The following ADTRP variants were observed in gnomAD, a reference collection of about 807,000 sequenced individuals.
The protein encoded by ADTRP is androgen dependent TFPI regulating protein.
A neutral mutation model predicts 27.0 loss-of-function variants in ADTRP; 20 were observed. The ratio of observed to expected loss-of-function variants is 0.74; its 90% CI spans 0.52 to 1.08. ADTRP has a LOEUF of 1.08. Ranked by LOEUF, ADTRP falls within the 50% of genes least tolerant of loss-of-function variation. ADTRP has a pLI of 0.00. For missense variants in ADTRP, 251 were observed against 275.0 expected, an observed-to-expected ratio of 0.91 and a Z score of 0.62; for synonymous variants, 101 against 105.2, an observed-to-expected ratio of 0.96 and a Z score of 0.25.
At position 11,773,210 on chromosome 6, in the gene ADTRP, A is replaced by G. The variant is rs531835997; in HGVS notation, c.154-4827T>C. 3.3e-5 allele frequency among the ~76,000 whole-genome samples: 5 copies of G among 152,290 alleles called. No individual in the cohort carries two copies. The South Asian group carries it at 8.3e-4, about 25-fold the overall frequency. On this transcript the variant is annotated intron_variant, in intron 1 of 5. Transcript: ENST00000414691. Reference sequence around the variant, plus strand: ...TTTATCTGGAATTAGGAAAAGAAGAAGTGGAAGAAGATGATGAGGAGAAGG... The same window carrying G: ...TTTATCTGGAATTAGGAAAAGAAGAGGTGGAAGAAGATGATGAGGAGAAGG...
chr6:11,768,437 C>T, intron 1 of ADTRP, 54 bp from the exon 2 acceptor site: 1 of 1,599,432 alleles, frequency 6.3e-7, no homozygotes, highest in Non-Finnish European at 8.5e-7. Context: ...TTAATACCTT[C>T]TTCACTGATG....
At chr6:11,730,868 T>G (rs781325470) in intron 4 of ADTRP, among the ~76,000 whole-genome samples, 20 of 152,208 alleles carry the variant, frequency 1.3e-4, no homozygotes, top group Non-Finnish European at 2.4e-4. Context: ...AAGAGCAGTG[T>G]GATGATGCAC....
chr6:11,774,691 G>A (rs1307020047), intron 1 of ADTRP, among the ~76,000 whole-genome samples: 1 of 152,148 alleles, frequency 6.6e-6, no homozygotes, highest in East Asian at 1.9e-4. Flanking sequence ...CAGTTATGTG[G>A]CCCCACCTCT....
Position 11,768,259 on chromosome 6 carries a change from G to C in ADTRP, c.278C>G (p.Pro93Arg). The change falls in exon 2 of 6, where the codon CCT becomes CGT. Residue 93 changes from proline (P) to arginine (R), a missense_variant. Physicochemically the swap from Pro to Arg is moderately radical, Grantham distance 103. Coordinates refer to ENST00000414691, the MANE Select transcript of ADTRP (RefSeq NM_032744.4). ...ATCTTTGAAACTTACCGTGGATACA[G>C]GAAAAGCCAGAGTGGTGAAAAGCAG... is the stretch of plus-strand genomic sequence containing the variant. ...RDLLFTTLAFPVSTFVFLAFW... is the reference protein window; with the variant it reads ...RDLLFTTLAFRVSTFVFLAFW... 1 of 1,614,174 alleles carries C rather than the reference G, an allele frequency of 6.2e-7. No individual in the cohort carries two copies. Among genetic ancestry groups the C allele is most frequent in the South Asian group, 1.1e-5 (1 of 91,070 alleles).
intron 1 of ADTRP, among the ~76,000 whole-genome samples, chr6:11,777,483 G>T (rs1763997051): frequency 1.8e-5 from 1 of 54,718 alleles, no homozygotes; most frequent in Admixed American, 1.9e-4. Context: ...TGTGTGTGTG[G>T]TTTTTTGTTG....
intron 4 of ADTRP, among the ~76,000 whole-genome samples, chr6:11,733,810 G>C (rs550613919): frequency 1.3e-5 from 2 of 152,044 alleles, no homozygotes; most frequent in South Asian, 4.2e-4. Context: ...GGGGACACCC[G>C]CCCAGGTACT....
At chr6:11,722,646 G>A (rs997523695) in intron 5 of ADTRP, among the ~76,000 whole-genome samples, 4 of 152,076 alleles carry the variant, frequency 2.6e-5, no homozygotes, top group African/African-American at 7.2e-5. Flanking sequence ...GGGGTGGGGT[G>A]GGGAGAGAGG....
At chr6:11,739,785 C>G (rs999523264) in intron 3 of ADTRP, among the ~76,000 whole-genome samples, 1 of 152,172 alleles carries the variant, frequency 6.6e-6, no homozygotes, top group Admixed American at 6.5e-5. Context: ...GAGAAAGAAG[C>G]AAGCCTTAAT....
At chr6:11,763,849 C>T (rs750320345) in intron 3 of ADTRP, among the ~76,000 whole-genome samples, 26 of 152,204 alleles carry the variant, frequency 1.7e-4, no homozygotes, top group Non-Finnish European at 2.6e-4. Flanking sequence ...TTGGAGCAGA[C>T]ACCAAAAGAA....
intron 1 of ADTRP, among the ~76,000 whole-genome samples, chr6:11,774,683 G>T (rs1248588790): frequency 6.6e-6 from 1 of 152,184 alleles, no homozygotes; most frequent in African/African-American, 2.4e-5. Context: ...GGAGATCCCA[G>T]TTATGTGGCC....
chr6:11,714,622 A>G, intron 5 of ADTRP, 110 bp from the exon 6 acceptor site: 3 of 1,257,746 alleles, frequency 2.4e-6, no homozygotes, highest in East Asian at 2.4e-5. Flanking sequence ...AGTTGAACAC[A>G]CTTTTCCCAA....
chr6:11,755,681 A>C (rs1177045943), intron 3 of ADTRP, among the ~76,000 whole-genome samples: 2 of 152,244 alleles, frequency 1.3e-5, no homozygotes, highest in Non-Finnish European at 2.9e-5. Context: ...TAAATGACGG[A>C]AAAGATTCTG....
chr6:11,740,469 A>G (rs1442883998), intron 3 of ADTRP, among the ~76,000 whole-genome samples: 5 of 152,256 alleles, frequency 3.3e-5, no homozygotes, highest in Admixed American at 3.3e-4. Context: ...TTAAAACATA[A>G]ATGTAAATAC....
intron 4 of ADTRP, chr6:11,728,536 G>A (rs954382749): frequency 6.6e-6 from 1 of 152,252 alleles, no homozygotes; most frequent in Non-Finnish European, 1.5e-5. Context: ...TCAAATCTCA[G>A]CTTAAAAGTC....
chr6:11,716,620 C>G (rs892455735), intron 5 of ADTRP, among the ~76,000 whole-genome samples: 1 of 152,026 alleles, frequency 6.6e-6, no homozygotes, highest in Non-Finnish European at 1.5e-5. Context: ...GAATGGCAAG[C>G]GGGTCTTAGT....
At chr6:11,767,815 A>C (rs1443218618) in intron 2 of ADTRP, 1 of 154,348 alleles carries the variant, frequency 6.5e-6, no homozygotes, top group East Asian at 1.9e-4. Flanking sequence ...TTTTCAAAAA[A>C]AAAATTATTT....
intron 1 of ADTRP, among the ~76,000 whole-genome samples, chr6:11,773,754 C>A (rs541333603): frequency 6.6e-6 from 1 of 152,338 alleles, no homozygotes; most frequent in Admixed American, 6.5e-5. Context: ...TTAGGCAAGT[C>A]ACTCAAAATC....
intron 3 of ADTRP, among the ~76,000 whole-genome samples, chr6:11,752,239 G>A (rs1309043516): frequency 2.0e-5 from 3 of 152,006 alleles, no homozygotes; most frequent in Non-Finnish European, 4.4e-5. Context: ...AGATTTTTAA[G>A]AAATATTTTT....
intron 4 of ADTRP, among the ~76,000 whole-genome samples, chr6:11,733,916 AT>A (rs1259451300): frequency 6.6e-6 from 1 of 152,160 alleles, no homozygotes; most frequent in Admixed American, 6.5e-5. Context: ...CATCTTCTTC[AT>A]CCCCAAAAAG....
Sources: allele counts gnomAD v4.1 joint callset (sites outside exome capture counted in the v4.1 genomes callset), GRCh38; gene constraint gnomAD v4.1.1; transcripts MANE v1.5; gene names NCBI Gene and HGNC (gene_info 2026-07-23, HGNC 2026-07-21).